The following CPQ variants were observed in gnomAD, a reference collection of about 807,000 sequenced individuals.
CPQ encodes the protein Ser-Met dipeptidase.
CPQ carries 37 observed loss-of-function variants against 45.7 expected under a neutral mutation model. That is an observed-to-expected ratio of 0.81 (90% CI 0.62 to 1.07). The LOEUF is 1.07. Ranked by LOEUF, CPQ falls within the 50% of genes least tolerant of loss-of-function variation. The pLI is 0.00. For missense variants in CPQ, 537 were observed against 572.9 expected, an observed-to-expected ratio of 0.94 and a Z score of 0.64; for synonymous variants, 186 against 205.8, an observed-to-expected ratio of 0.90 and a Z score of 0.82.
rs570990191 is a variant in CPQ at position 96,661,725 on chromosome 8, A to G, written c.-35+16323A>G. 2.6e-5 allele frequency among the ~76,000 whole-genome samples: 4 copies of G among 152,308 alleles called. No individual in the cohort carries two copies. In the South Asian group the frequency reaches 8.3e-4, roughly 32 times the overall value. On this transcript the variant is annotated intron_variant, in intron 1 of 7. Coordinates refer to ENST00000220763, the MANE Select transcript of CPQ (RefSeq NM_016134.4). ...TCTTGGTTGCTTCCAAATTTTGGCA[A>G]TTATGAATAAAGCTGCTCTTTACAT...
intron 1 of CPQ, among the ~76,000 whole-genome samples, chr8:96,674,545 A>C (rs781161974): frequency 7.2e-5 from 11 of 152,140 alleles, no homozygotes; most frequent in Non-Finnish European, 1.0e-4. Context: ...ATTGTATTAC[A>C]TTCCTGTTTC....
At chr8:96,964,508 A>G (rs1251434054) in intron 4 of CPQ, among the ~76,000 whole-genome samples, 2 of 151,712 alleles carry the variant, frequency 1.3e-5, no homozygotes, top group Non-Finnish European at 1.5e-5. Context: ...TTCTTTGTGA[A>G]TTGTCTGTTC....
intron 1 of CPQ, among the ~76,000 whole-genome samples, chr8:96,780,224 G>A (rs967296753): frequency 1.3e-5 from 2 of 152,164 alleles, no homozygotes; most frequent in Non-Finnish European, 2.9e-5. Context: ...GTTAATTATG[G>A]TAGAAACACA....
chr8:96,661,280 C>T (rs1815698732), intron 1 of CPQ, among the ~76,000 whole-genome samples: 1 of 152,102 alleles, frequency 6.6e-6, no homozygotes, highest in Non-Finnish European at 1.5e-5. Context: ...CTGCCCCTCA[C>T]ATGTGCATTC....
At chr8:96,768,349 G>A (rs1021311715) in intron 1 of CPQ, among the ~76,000 whole-genome samples, 7 of 151,418 alleles carry the variant, frequency 4.6e-5, no homozygotes, top group Non-Finnish European at 8.8e-5. Flanking sequence ...AGGAATTGGC[G>A]CATTAATTTC....
chr8:97,015,171 A>T (rs1484104539), intron 5 of CPQ, among the ~76,000 whole-genome samples: 1 of 152,162 alleles, frequency 6.6e-6, no homozygotes, highest in Non-Finnish European at 1.5e-5. Context: ...CTGTTGTTTA[A>T]CTTCTCACCA....
At chr8:96,892,722 A>G (rs1304871049) in intron 4 of CPQ, among the ~76,000 whole-genome samples, 2 of 152,186 alleles carry the variant, frequency 1.3e-5, no homozygotes, top group Admixed American at 6.5e-5. Context: ...GCTCATAAAG[A>G]CAGCAAATGG....
intron 5 of CPQ, among the ~76,000 whole-genome samples, chr8:97,014,157 G>T (rs1402469528): frequency 6.6e-6 from 1 of 152,114 alleles, no homozygotes. Flanking sequence ...GTTAGTTGGC[G>T]ATTGCAACAA....
intron 1 of CPQ, among the ~76,000 whole-genome samples, chr8:96,691,619 G>A (rs146373097): frequency 4.5e-4 from 69 of 151,712 alleles, no homozygotes; most frequent in African/African-American, 1.5e-3. Flanking sequence ...ATTTACTTGA[G>A]GACTCAAGAT....
In CPQ at chr8:96,844,490, G is replaced by A. The variant is rs557037415; in HGVS notation, c.641+9310G>A. ...GTTGGCTCTCCCATTTAGATGCTGT[G>A]TGACCTTATGTACATTAAACAACCA... On this transcript the variant is annotated intron_variant, in intron 3 of 7. Transcript: ENST00000220763. 3.7e-4 allele frequency among the ~76,000 whole-genome samples: 56 copies of A among 152,312 alleles called. 2 individuals are homozygous for A. In the South Asian group the frequency reaches 0.011, roughly 31 times the overall value.
intron 3 of CPQ, among the ~76,000 whole-genome samples, chr8:96,863,402 A>G (rs189682351): frequency 6.6e-6 from 1 of 152,144 alleles, no homozygotes; most frequent in Admixed American, 6.5e-5. Context: ...TTCAAGGGAT[A>G]AAAGTATAAA....
chr8:97,029,329 G>A lies in CPQ; in HGVS notation c.962-74G>A, dbSNP rs556174347. On this transcript the variant is annotated intron_variant, in intron 5 of 7. Transcript: ENST00000220763. ...TTCCTCCTTCCTCCACAAGGCAGAT[G>A]AGGGACCCTGCCATTTTTTTATAAA... is the stretch of plus-strand genomic sequence containing the variant. 16 of 1,406,224 alleles carry A rather than the reference G, an allele frequency of 1.1e-5. No individual in the cohort carries two copies. In the African/African-American group the frequency reaches 2.1e-4, roughly 19 times the overall value. 87.1% of individuals were successfully genotyped at this position (1,406,224 alleles called of 1,614,324 possible).
At chr8:96,718,053 G>T (rs909348183) in intron 1 of CPQ, among the ~76,000 whole-genome samples, 3 of 152,154 alleles carry the variant, frequency 2.0e-5, no homozygotes, top group East Asian at 1.9e-4. Context: ...TCTCCATGGA[G>T]ACAGAAACCA....
chr8:96,776,957 A>G (rs1293024849), intron 1 of CPQ, among the ~76,000 whole-genome samples: 1 of 152,206 alleles, frequency 6.6e-6, no homozygotes, highest in Non-Finnish European at 1.5e-5. Flanking sequence ...TGAAGGAACA[A>G]TAACTTCAAC....
intron 1 of CPQ, among the ~76,000 whole-genome samples, chr8:96,692,182 C>A (rs1809313478): frequency 6.6e-6 from 1 of 152,140 alleles, no homozygotes; most frequent in South Asian, 2.1e-4. Flanking sequence ...GTACCTAAGA[C>A]AAGCTTGAGA....
In CPQ at chr8:96,778,707, A is replaced by G. The variant is rs116585456; in HGVS notation, c.-34-6157A>G. Among the ~76,000 whole-genome samples the G allele has an allele frequency of 2.9e-3, 436 of 152,314 alleles. 5 individuals carry two copies. Among genetic ancestry groups the G allele is most frequent in the African/African-American group, 9.8e-3 (408 of 41,568 alleles). ...ACTCAGTTTCTGTTTCAAAGTGATT[A>G]TATCATTTTAGTATCAAAATTAATT... On this transcript the variant is annotated intron_variant, in intron 1 of 7. Coordinates refer to ENST00000220763, the MANE Select transcript of CPQ (RefSeq NM_016134.4).
intron 1 of CPQ, among the ~76,000 whole-genome samples, chr8:96,708,408 A>G (rs1005515826): frequency 2.8e-5 from 4 of 141,846 alleles, no homozygotes; most frequent in Non-Finnish European, 4.6e-5. Flanking sequence ...TGAAAAGACA[A>G]GGTAAGCCAT....
At chr8:97,095,225 TC>T (rs971224905) in intron 7 of CPQ, among the ~76,000 whole-genome samples, 4 of 152,166 alleles carry the variant, frequency 2.6e-5, no homozygotes, top group African/African-American at 9.7e-5. Context: ...CACTTGGGTA[TC>T]CTGTAGGTAT....
At chr8:96,836,184 GTTTA>G (rs920255803) in intron 3 of CPQ, among the ~76,000 whole-genome samples, 1 of 152,112 alleles carries the variant, frequency 6.6e-6, no homozygotes, top group African/African-American at 2.4e-5. Flanking sequence ...GGAAAGGGAA[GTTTA>G]TTTATTCTGC....
Sources: gnomAD v4.1 joint callset for allele counts (sites outside exome capture counted in the v4.1 genomes callset) on GRCh38, gnomAD v4.1.1 for gene constraint, MANE v1.5 for transcripts, NCBI Gene and HGNC (gene_info 2026-07-23, HGNC 2026-07-21) for gene names.